SPTBN2: variants seen among roughly 807,000 people sequenced by gnomAD.
SPTBN2 encodes the protein spectrin beta chain, non-erythrocytic 2.
A neutral mutation model predicts 284.2 loss-of-function variants in SPTBN2; 107 were observed. The ratio of observed to expected loss-of-function variants is 0.38; its 90% confidence interval spans 0.32 to 0.44. SPTBN2 has a LOEUF of 0.44. Among genes scored for constraint, SPTBN2 ranks in the 20% least tolerant of loss-of-function variants. The pLI, the probability that SPTBN2 is intolerant of heterozygous loss-of-function variation, is 1.00. For synonymous variants in SPTBN2, 1,289 were observed against 1,354.8 expected (o/e 0.95, Z 1.07); for missense variants, 2,569 against 3,287.1 (o/e 0.78, Z 5.34).
chr11:66,699,148 C>T, intron 18 of SPTBN2, 66 bp from the exon 19 acceptor site: 4 of 1,585,056 alleles, frequency 2.5e-6, no homozygotes, highest in Non-Finnish European at 3.5e-6. Flanking sequence ...CTTTGGCTAA[C>T]CTAGGGGCCT....
At position 66,691,360 on chromosome 11, in the gene SPTBN2, C is replaced by T. The variant is rs760439028; in HGVS notation, c.5489G>A (p.Arg1830His). The T allele has an allele frequency of 8.2e-6, 13 of 1,582,640 alleles. No homozygotes were observed. Among genetic ancestry groups the T allele is most frequent in the Non-Finnish European group, 1.0e-5 (12 of 1,160,878 alleles). ...CAGGGCCTCGGCAGCGTTGAGGTCG[C>T]GGCCAGTCCCGTCCGGAAGCTGCTG... Reference protein sequence around the residue: ...KQQQLPDGTGRDLNAAEALQR... With the variant: ...KQQQLPDGTGHDLNAAEALQR... The change falls in exon 27 of 38, where the codon CGC becomes CAC. Residue 1830 changes from arginine (R) to histidine (H), a missense_variant. Arg to His is a conservative substitution (Grantham distance 29, BLOSUM62 0). Around this residue, in one of 6 missense-constraint regions of SPTBN2, gnomAD observed 1,130 missense variants for 1,317.3 expected, o/e 0.86. Coordinates refer to ENST00000533211, the MANE Select transcript of SPTBN2 (RefSeq NM_006946.4). The surrounding 1 kb of genome is among the most constrained non-coding windows in gnomAD (Gnocchi z 8.0).
rs1041091108 is a variant in SPTBN2 at position 66,696,165 on chromosome 11, G to A, written c.4278+112C>T. ...TGGCTGCCCAAAGAAATGACTCTGG[G>A]AAATGCTAGTGAAGGTGTTATCTGC... On this transcript the variant is annotated intron_variant, in intron 21 of 37. Coordinates refer to ENST00000533211, the MANE Select transcript of SPTBN2 (RefSeq NM_006946.4). 4.3e-5 allele frequency: 59 copies of A among 1,369,266 alleles called. No homozygotes were observed. In the South Asian group the frequency reaches 6.6e-4, roughly 15 times the overall value. The allele number at this position is 1,369,266 out of a possible 1,614,324, so 84.8% of individuals were successfully genotyped here.
rs1005339770 is a variant in SPTBN2, at chr11:66,707,445, C to T, written c.1653+71G>A. ...CACAGAGATCGGCCGAGCAGACGGG[C>T]GGACGCACCCACTGTGGGGCCCCCT... On this transcript the variant is annotated intron_variant, in intron 13 of 37. Coordinates refer to ENST00000533211, the MANE Select transcript of SPTBN2 (RefSeq NM_006946.4). The surrounding 1 kb of genome is among the most constrained non-coding windows in gnomAD (Gnocchi z 4.9). 1.6e-5 allele frequency: 24 copies of T among 1,491,428 alleles called. No individual in the cohort carries two copies. Among genetic ancestry groups the T allele is most frequent in the East Asian group, 1.2e-4 (5 of 40,798 alleles). The allele number at this position is 1,491,428 out of a possible 1,614,324, so 92.4% of individuals were successfully genotyped here. A position where few individuals can be genotyped will look rare whatever the true frequency, so the allele number is the denominator to read the frequency against.
At position 66,687,859 on chromosome 11, in the gene SPTBN2, G is replaced by A. The variant is rs763608064; in HGVS notation, c.6501+9C>T. On this transcript the variant is annotated intron_variant, in intron 34 of 37. Transcript: ENST00000533211. This position sits in a 1 kb window ranked among gnomAD's most constrained non-coding sequence, Gnocchi z 5.2. ...CAGTTATCAACACCACACTTGCAGGGGAACTCACCGGCCCTTCGGGGAAGC... is the reference window on the plus strand; with the variant it reads ...CAGTTATCAACACCACACTTGCAGGAGAACTCACCGGCCCTTCGGGGAAGC... The A allele has an allele frequency of 6.2e-7, 1 of 1,614,116 alleles. No homozygotes were observed. Among genetic ancestry groups the A allele is most frequent in the Admixed American group, 1.7e-5 (1 of 60,020 alleles).
At chr11:66,722,645 C>T (rs989908133) in intron 1 of SPTBN2, among the ~76,000 whole-genome samples, 1 of 148,964 alleles carries the variant, frequency 6.7e-6, no homozygotes, top group Admixed American at 6.7e-5. Flanking sequence ...GTAATCCCAG[C>T]ACTTTTAGGA....
chr11:66,687,961 G>A lies in SPTBN2; in HGVS notation c.6450+43C>T. ...TGTAAAAGGATGTGCGGGGGTGGAG[G>A]GGCTACGACTCCGATGGGGGCACAG... On this transcript the variant is annotated intron_variant, in intron 33 of 37. Transcript: ENST00000533211. The surrounding 1 kb of genome is among the most constrained non-coding windows in gnomAD (Gnocchi z 5.2). 3 of 1,614,182 alleles carry A rather than the reference G, an allele frequency of 1.9e-6. No homozygotes were observed. Among genetic ancestry groups the A allele is most frequent in the Non-Finnish European group, 2.5e-6 (3 of 1,180,024 alleles).
intron 15 of SPTBN2, among the ~76,000 whole-genome samples, chr11:66,703,541 G>T (rs539716622): frequency 6.6e-6 from 1 of 152,024 alleles, no homozygotes; most frequent in Admixed American, 6.6e-5. Flanking sequence ...GACCATCCTC[G>T]CTAACATGGT....
At position 66,691,323 on chromosome 11, in the gene SPTBN2, G is replaced by T; in HGVS notation, c.5526C>A (p.His1842Gln). The change falls in exon 27 of 38, where the codon CAC (histidine) becomes CAA (glutamine). Residue 1842 changes from histidine to glutamine, a missense_variant. Physicochemically the swap from His to Gln is conservative, Grantham distance 24 (BLOSUM62 0). Transcript: ENST00000533211. The surrounding 1 kb of genome is among the most constrained non-coding windows in gnomAD (Gnocchi z 8.0). Reference sequence around the variant, plus strand: ...CCTGAATGTCATGCTCGTAGGCACAGTGTCGGCGCTGCAGGGCCTCGGCAG... The same window carrying T: ...CCTGAATGTCATGCTCGTAGGCACATTGTCGGCGCTGCAGGGCCTCGGCAG... ...LNAAEALQRR[H>Q]CAYEHDIQAL... 1.3e-6 allele frequency: 2 copies of T among 1,552,576 alleles called. No individual in the cohort carries two copies. The highest frequency in any genetic ancestry group is 2.7e-5 in the African/African-American group (2 of 73,950).
intron 1 of SPTBN2, among the ~76,000 whole-genome samples, chr11:66,735,645 G>A (rs1048152667): frequency 2.6e-5 from 4 of 152,172 alleles, no homozygotes; most frequent in African/African-American, 4.8e-5. Context: ...CTGGGAGGTC[G>A]AGGCTGCAGT....
chr11:66,735,282 G>C (rs1007802951), intron 1 of SPTBN2, among the ~76,000 whole-genome samples: 55 of 150,836 alleles, frequency 3.6e-4, no homozygotes, highest in Non-Finnish European at 2.9e-5. Context: ...GCAGTGAGTC[G>C]AGATTGTGCC....
chr11:66,714,133 C>T lies in SPTBN2; in HGVS notation c.614G>A (p.Trp205Ter). 6.2e-7 allele frequency: 1 copy of T among 1,614,238 alleles called. No homozygotes were observed. The highest frequency in any genetic ancestry group is 8.5e-7 in the Non-Finnish European group (1 of 1,180,050). Residue 205 changes from tryptophan to a stop codon, truncating the protein, a stop_gained, in exon 7 of 38, where the codon TGG (tryptophan) becomes TAG (stop). Transcript: ENST00000533211. LOFTEE classifies it high-confidence loss of function. Reference protein sequence around the residue: ...NVNVHNFTTSWRDGLAFNAIV... With the variant: ...NVNVHNFTTS Reference sequence around the variant, plus strand: ...GGCGTTGAAAGCTAGTCCATCTCTCCAGCTGGTGGTGAAGTTGTGTACATT... The same window carrying T: ...GGCGTTGAAAGCTAGTCCATCTCTCTAGCTGGTGGTGAAGTTGTGTACATT...
In SPTBN2 at chr11:66,701,701, T is replaced by C. The variant is rs752356192; in HGVS notation, c.2699A>G (p.Glu900Gly). The change falls in exon 16 of 38, where the codon GAA (glutamate) becomes GGA (glycine). Residue 900 changes from glutamate (E) to glycine (G), a missense_variant. Around this residue, in one of 6 missense-constraint regions of SPTBN2, gnomAD observed 1,012 missense variants for 1,248.9 expected, o/e 0.81. Coordinates refer to ENST00000533211, the MANE Select transcript of SPTBN2 (RefSeq NM_006946.4). Reference sequence around the variant, plus strand: ...GATTTGTGCTGCAAGGGTGTTCATTTCAGGCTCCAGGGTCTCGAACCTGAG... The same window carrying C: ...GATTTGTGCTGCAAGGGTGTTCATTCCAGGCTCCAGGGTCTCGAACCTGAG... Reference protein sequence around the residue: ...VQQRFETLEPEMNTLAAQITA... With the variant: ...VQQRFETLEPGMNTLAAQITA... The C allele has an allele frequency of 6.2e-7, 1 of 1,614,098 alleles. No individual in the cohort carries two copies.
intron 1 of SPTBN2, among the ~76,000 whole-genome samples, chr11:66,738,486 C>A (rs998722927): frequency 6.6e-6 from 1 of 152,148 alleles, no homozygotes; most frequent in Non-Finnish European, 1.5e-5. Flanking sequence ...AACGCCAGAA[C>A]AGATGAAAAT....
intron 1 of SPTBN2, among the ~76,000 whole-genome samples, chr11:66,740,427 A>G (rs1942887810): frequency 6.6e-6 from 1 of 152,200 alleles, no homozygotes; most frequent in Non-Finnish European, 1.5e-5. Context: ...TGCCCCCATT[A>G]GCCCAATAAT....
intron 8 of SPTBN2, 26 bp downstream of exon 8, chr11:66,713,603 CCT>C: frequency 6.3e-7 from 1 of 1,590,128 alleles, no homozygotes; most frequent in Non-Finnish European, 8.6e-7. Flanking sequence ...TACCCTACCA[CCT>C]CTTTTTCACA....
At chr11:66,701,459 A>C in intron 16 of SPTBN2, 125 bp downstream of exon 16, 1 of 1,561,124 alleles carries the variant, frequency 6.4e-7, no homozygotes. Context: ...TCCCCAACAT[A>C]TTCCAGACTG....
rs1385167927 is a variant in SPTBN2, at chr11:66,718,629, CT to C, written c.157+2454del. 3.9e-5 allele frequency among the ~76,000 whole-genome samples: 6 copies of C among 152,250 alleles called. No homozygotes were observed. The East Asian group carries it at 1.2e-3, about 29-fold the overall frequency. ...ACTCCGTTCCCATTCATGCTGCCAG[CT>C]GCTAGTTACAGAGCCCAGGGCCCAG... On this transcript the variant is annotated intron_variant, in intron 3 of 37. Transcript: ENST00000533211. This position sits in a 1 kb window ranked among gnomAD's most constrained non-coding sequence, Gnocchi z 4.8.
Position 66,700,743 on chromosome 11 carries a change from C to T in SPTBN2, c.3356G>A (p.Ser1119Asn), listed in dbSNP as rs1213043994. ...ALRGEVERAQSEYSRLRALGE... is the reference protein window; with the variant it reads ...ALRGEVERAQNEYSRLRALGE... The stretch of plus-strand genomic sequence containing the variant: ...CAGGGCTCGCAGCCGGCTATACTCG[C>T]TCTGGGCCCGCTCCACCTCTCCCCG... Residue 1119 changes from serine to asparagine, a missense_variant, in exon 17 of 38, where the codon AGC becomes AAC. By Grantham distance (46) the Ser-to-Asn change is conservative. Coordinates refer to ENST00000533211, the MANE Select transcript of SPTBN2 (RefSeq NM_006946.4). The surrounding 1 kb of genome is among the most constrained non-coding windows in gnomAD (Gnocchi z 6.6). 1.2e-6 allele frequency: 2 copies of T among 1,603,048 alleles called. No individual in the cohort carries two copies. Among genetic ancestry groups the T allele is most frequent in the East Asian group, 2.2e-5 (1 of 44,878 alleles).
intron 15 of SPTBN2, 25 bp downstream of exon 15, chr11:66,704,573 C>T: frequency 1.3e-6 from 2 of 1,574,668 alleles, no homozygotes; most frequent in Non-Finnish European, 1.7e-6. Flanking sequence ...CAAGGCTGGT[C>T]CCACTAGGAG....
Sources: gnomAD v4.1 joint callset for allele counts (sites outside exome capture counted in the v4.1 genomes callset) on GRCh38, gnomAD v4.1.1 for gene constraint, gnomAD v4.1.1 regional missense constraint, Gnocchi (gnomAD v3.1) non-coding constraint, MANE v1.5 for transcripts, NCBI Gene and HGNC (gene_info 2026-07-23, HGNC 2026-07-21) for gene names.